ZZEF1: variants seen among roughly 807,000 people sequenced by gnomAD.
ZZEF1 encodes the protein zinc finger ZZ-type and EF-hand domain containing 1.
In ZZEF1, 157 loss-of-function variants were observed where a neutral mutation model predicts 342.8. The observed-to-expected ratio is 0.46, with a 90% CI of 0.40 to 0.52. ZZEF1 has a LOEUF of 0.52. Among genes scored for constraint, ZZEF1 ranks in the 20% least tolerant of loss-of-function variants. ZZEF1 has a pLI of 0.00. For synonymous variants in ZZEF1, 1,505 were observed against 1,429.1 expected (o/e 1.05, Z -1.20); for missense variants, 3,480 against 3,725.6 (o/e 0.93, Z 1.72).
chr17:4,076,137 C>CTTTCTTTTTTTTTTTT (rs1555599391), intron 21 of ZZEF1: 3 of 122,190 alleles, frequency 2.5e-5, no homozygotes, highest in African/African-American at 9.7e-5. Context: ...CGTCTCCTTT[C>CTTTCTTTTTTTTTTTT]TTTTTTTTTT....
chr17:4,031,171 C>T (rs900756731), intron 42 of ZZEF1, among the ~76,000 whole-genome samples: 1 of 152,026 alleles, frequency 6.6e-6, no homozygotes, highest in Admixed American at 6.6e-5. Context: ...AAAAAATTAG[C>T]CAAGTGTGGT....
chr17:4,104,190 C>T (rs886153427), intron 8 of ZZEF1, among the ~76,000 whole-genome samples: 3 of 152,170 alleles, frequency 2.0e-5, no homozygotes, highest in African/African-American at 7.2e-5. Flanking sequence ...GCAGCTATCA[C>T]GGGAATGCAG....
At chr17:4,019,564 C>A (rs561326871) in intron 46 of ZZEF1, 105 bp downstream of exon 46, 3 of 1,009,536 alleles carry the variant, frequency 3.0e-6, no homozygotes, top group Admixed American at 2.3e-5. Context: ...CCCGGCCTGT[C>A]GGAGCGTCGA....
At chr17:4,033,962 A>T in intron 40 of ZZEF1, 53 bp downstream of exon 40, 1 of 1,591,364 alleles carries the variant, frequency 6.3e-7, no homozygotes, top group Non-Finnish European at 8.6e-7. Context: ...AAACAAATAA[A>T]CACCAAGGTG....
chr17:4,022,975 C>T, intron 43 of ZZEF1, 147 bp from the exon 44 acceptor site: 1 of 1,135,080 alleles, frequency 8.8e-7, no homozygotes, highest in Non-Finnish European at 1.2e-6. Flanking sequence ...TGTCACACTC[C>T]CCTGCTCTAA....
At chr17:4,083,460 T>C (rs529886775) in intron 16 of ZZEF1, among the ~76,000 whole-genome samples, 8 of 152,250 alleles carry the variant, frequency 5.3e-5, no homozygotes, top group Admixed American at 3.9e-4. Context: ...ATTTTATATA[T>C]AGCTGGAATT....
At chr17:4,044,009 A>T (rs1406371927) in intron 38 of ZZEF1, among the ~76,000 whole-genome samples, 1 of 152,266 alleles carries the variant, frequency 6.6e-6, no homozygotes, top group Non-Finnish European at 1.5e-5. Flanking sequence ...TATAGAAAGC[A>T]CTTAGTAAAT....
At chr17:4,104,515 G>C in intron 8 of ZZEF1, 118 bp downstream of exon 8, 1 of 1,077,096 alleles carries the variant, frequency 9.3e-7, no homozygotes. Context: ...AGGAATCATG[G>C]TGTAACTATA....
chr17:4,131,706 G>A (rs1051472472), intron 1 of ZZEF1, among the ~76,000 whole-genome samples: 4 of 152,090 alleles, frequency 2.6e-5, no homozygotes, highest in African/African-American at 7.2e-5. Flanking sequence ...CTTGAGCCTA[G>A]GGGGTCGAGG....
In ZZEF1 at chr17:4,138,263, AATC is replaced by A. The variant is rs746021314; in HGVS notation, c.354+4276_354+4278del. Among the ~76,000 whole-genome samples the A allele has an allele frequency of 2.6e-5, 4 of 152,344 alleles. No homozygotes were observed. In the South Asian group the frequency reaches 6.2e-4, roughly 24 times the overall value. On this transcript the variant is annotated intron_variant, in intron 1 of 54. Transcript: ENST00000381638. ...AGTCAATAGTCTTAAAAGGGCAGAT[AATC>A]ACATCTGCAGATTCCTACGGCACAG...
intron 26 of ZZEF1, among the ~76,000 whole-genome samples, chr17:4,070,212 C>T (rs937721046): frequency 3.3e-5 from 5 of 152,184 alleles, no homozygotes; most frequent in Non-Finnish European, 7.3e-5. Flanking sequence ...ACAGCTTCCT[C>T]CTTGGTTATT....
intron 29 of ZZEF1, 132 bp from the exon 30 acceptor site, chr17:4,063,049 TAGG>T (rs2057318057): frequency 1.2e-6 from 1 of 855,364 alleles, no homozygotes; most frequent in Non-Finnish European, 1.7e-6. Flanking sequence ...AAACACCATG[TAGG>T]AGAAGTACCA....
At chr17:4,124,272 A>G (rs2058538687) in intron 1 of ZZEF1, among the ~76,000 whole-genome samples, 2 of 152,208 alleles carry the variant, frequency 1.3e-5, no homozygotes, top group Non-Finnish European at 2.9e-5. Flanking sequence ...ATTCCAATCT[A>G]TATTCCAAGA....
chr17:4,098,919 A>G (rs1318611639), intron 9 of ZZEF1, among the ~76,000 whole-genome samples: 2 of 152,214 alleles, frequency 1.3e-5, no homozygotes, highest in African/African-American at 2.4e-5. Context: ...AACTATCCCA[A>G]TTATTGAACT....
At chr17:4,037,614 T>A (rs992572073) in intron 39 of ZZEF1, among the ~76,000 whole-genome samples, 8 of 152,232 alleles carry the variant, frequency 5.3e-5, no homozygotes, top group Admixed American at 5.2e-4. Flanking sequence ...GACAGAGTCT[T>A]ACCCTATTGC....
chr17:4,128,410 A>C (rs1436033429), intron 1 of ZZEF1, among the ~76,000 whole-genome samples: 8 of 150,630 alleles, frequency 5.3e-5, no homozygotes, highest in Non-Finnish European at 7.4e-5. Context: ...GGAAAATAGA[A>C]CTTCAAAAGG....
At position 4,059,233 on chromosome 17, in the gene ZZEF1, A is replaced by G; in HGVS notation, c.4941T>C (p.Thr1647=). ...CCAAAAACAGAACAAGTTGATAGTA[A>G]GTGTCTCGAATTTCTTTGTGTAGAT... is the stretch of plus-strand genomic sequence containing the variant. ...GADLHKEIRD[T]YYQLVLFLVK... is the part of the protein sequence containing the mutation. The change falls in exon 31 of 55, where the codon ACT becomes ACC. Residue 1647 remains threonine (T), a synonymous_variant. Transcript: ENST00000381638. 6.2e-7 allele frequency: 1 copy of G among 1,608,348 alleles called. No individual in the cohort carries two copies. Among genetic ancestry groups the G allele is most frequent in the Non-Finnish European group, 8.5e-7 (1 of 1,179,118 alleles).
chr17:4,042,667 A>G, intron 38 of ZZEF1, 99 bp from the exon 39 acceptor site: 2 of 1,269,178 alleles, frequency 1.6e-6, no homozygotes, highest in Non-Finnish European at 1.1e-6. Flanking sequence ...TACGGAATAA[A>G]GCTGGGATTT....
chr17:4,032,161 A>C lies in ZZEF1; in HGVS notation c.6857T>G (p.Val2286Gly). 1 of 1,613,242 alleles carries C rather than the reference A, an allele frequency of 6.2e-7. No homozygotes were observed. The highest frequency in any genetic ancestry group is 8.5e-7 in the Non-Finnish European group (1 of 1,179,726). Reference protein sequence around the residue: ...LKHFTEKNRAVIVDVKTRKRK... With the variant: ...LKHFTEKNRAGIVDVKTRKRK... ...CTTCCGAGTTTTGACATCAACAATC[A>C]CAGCCCTGTTCTTCTCAGTAAAGTG... The change falls in exon 42 of 55, where the codon GTG becomes GGG. Residue 2286 changes from valine to glycine, a missense_variant. Coordinates refer to ENST00000381638, the MANE Select transcript of ZZEF1 (RefSeq NM_015113.4).
Sources: gnomAD v4.1 joint callset for allele counts (sites outside exome capture counted in the v4.1 genomes callset) on GRCh38, gnomAD v4.1.1 for gene constraint, MANE v1.5 for transcripts, NCBI Gene and HGNC (gene_info 2026-07-23, HGNC 2026-07-21) for gene names.